CRAMP1: variants seen among roughly 807,000 people sequenced by gnomAD.
CRAMP1 encodes cramped chromatin regulator 1, also known as protein cramped-like.
CRAMP1 carries 50 observed loss-of-function variants against 115.4 expected under a neutral mutation model. The ratio of observed to expected loss-of-function variants is 0.43; its 90% CI spans 0.35 to 0.55. The LOEUF is 0.55. Ranked by LOEUF, CRAMP1 falls within the 20% of genes least tolerant of loss-of-function variation. CRAMP1 has a pLI of 0.01. For missense variants in CRAMP1, 1,679 were observed against 1,721.7 expected (o/e 0.98, Z 0.44); for synonymous variants, 866 against 745.4 (o/e 1.16, Z -2.64).
At chr16:1,655,832 G>C (rs754865101) in intron 9 of CRAMP1, 45 bp from the exon 10 acceptor site, 1 of 1,567,718 alleles carries the variant, frequency 6.4e-7, no homozygotes, top group Admixed American at 1.7e-5. Flanking sequence ...TCAGCATCCC[G>C]ACCTCAGTGC....
chr16:1,659,953 C>A lies in CRAMP1; in HGVS notation c.2303C>A (p.Pro768His). 2 of 1,611,298 alleles carry A rather than the reference C, an allele frequency of 1.2e-6. No individual in the cohort carries two copies. The highest frequency in any genetic ancestry group is 1.1e-5 in the South Asian group (1 of 91,082). The change falls in exon 11 of 21, where the codon CCC (proline) becomes CAC (histidine). Residue 768 changes from proline (P) to histidine (H), a missense_variant. By Grantham distance (77) the Pro-to-His change is moderately conservative (BLOSUM62 -2). Coordinates refer to ENST00000397412, the MANE Select transcript of CRAMP1 (RefSeq NM_020825.4). ...GCCCAGGAGGAGCAGTCGATGACGC[C>A]CCCAGGGAAGGTGGTGACCGTCAGC... The part of the protein sequence containing the change: ...RPAQEEQSMT[P>H]PGKVVTVSSR...
In CRAMP1 at chr16:1,656,695, C is replaced by T. The variant is rs752224490; in HGVS notation, c.1938C>T (p.Pro646=). ...PAEELQEKGS[P]AGPPPSQGQP... ...AGGAGCTCCAGGAGAAGGGGAGCCC[C>T]GCGGGGCCTCCGCCGTCTCAGGGAC... is the stretch of plus-strand genomic sequence containing the variant. Residue 646 remains proline, a synonymous_variant, in exon 10 of 21, where the codon CCC becomes CCT. Coordinates refer to ENST00000397412, the MANE Select transcript of CRAMP1 (RefSeq NM_020825.4). This position sits in a 1 kb window ranked among gnomAD's most constrained non-coding sequence, Gnocchi z 5.6. 1.9e-5 allele frequency: 29 copies of T among 1,560,786 alleles called. No homozygotes were observed. In the Middle Eastern group the frequency reaches 5.0e-4, roughly 27 times the overall value.
At chr16:1,665,247 T>C (rs1263912510) in intron 14 of CRAMP1, 109 bp downstream of exon 14, 2 of 756,904 alleles carry the variant, frequency 2.6e-6, no homozygotes, top group Admixed American at 4.0e-5. Flanking sequence ...CAGGCATTCC[T>C]TTGTCCATTC....
Position 1,675,593 on chromosome 16 carries a change from A to T in CRAMP1, c.*1548A>T, listed in dbSNP as rs2036961029. The T allele has an allele frequency of 6.6e-6, 1 of 152,432 alleles. No homozygotes were observed. Among genetic ancestry groups the T allele is most frequent in the Admixed American group, 6.5e-5 (1 of 15,282 alleles). 9.4% of individuals were successfully genotyped at this position (152,432 alleles called of 1,614,324 possible). ...GCCTTTGGTGTGGACAAGCATGTGG[A>T]CGCCCTCCGTCCTGCAGTCTTGCCA... On this transcript the variant is annotated 3_prime_UTR_variant, in exon 21 of 21. Coordinates refer to ENST00000397412, the MANE Select transcript of CRAMP1 (RefSeq NM_020825.4).
chr16:1,630,931 C>T (rs1254373708), intron 3 of CRAMP1, among the ~76,000 whole-genome samples: 2 of 152,190 alleles, frequency 1.3e-5, no homozygotes, highest in Non-Finnish European at 2.9e-5. Context: ...TTTCTGTCTC[C>T]GTCCTGGTGG....
Position 1,656,938 on chromosome 16 carries a change from G to T in CRAMP1, c.2181G>T (p.Gln727His), listed in dbSNP as rs774178478. 1.9e-6 allele frequency: 3 copies of T among 1,560,718 alleles called. No individual in the cohort carries two copies. Among genetic ancestry groups the T allele is most frequent in the South Asian group, 2.4e-5 (2 of 84,690 alleles). Residue 727 changes from glutamine to histidine, a missense_variant, in exon 10 of 21, where the codon CAG becomes CAT. This residue lies in a region of CRAMP1 where 709 missense variants were observed against 741.9 expected (regional missense o/e 0.96). Transcript: ENST00000397412. This position sits in a 1 kb window ranked among gnomAD's most constrained non-coding sequence, Gnocchi z 5.6. ...PGSLPTALHK[Q>H]RLLSCLLKLI... ...CCCTACCCACCGCCCTCCACAAGCA[G>T]CGCCTCCTCAGCTGCCTCCTGAAGC... is the stretch of plus-strand genomic sequence containing the variant.
At chr16:1,653,211 G>A in intron 8 of CRAMP1, 55 bp downstream of exon 8, 6 of 1,572,502 alleles carry the variant, frequency 3.8e-6, no homozygotes, top group Non-Finnish European at 5.2e-6. Context: ...AGGACTGGAA[G>A]CAACGTGTGT....
chr16:1,612,981 G>A (rs780200537), intron 1 of CRAMP1, among the ~76,000 whole-genome samples: 3 of 152,084 alleles, frequency 2.0e-5, no homozygotes, highest in Non-Finnish European at 4.4e-5. Context: ...GCGCTTCCCC[G>A]TGCTCGGTCG....
intron 2 of CRAMP1, among the ~76,000 whole-genome samples, chr16:1,620,260 G>T (rs184719761): frequency 7.2e-5 from 11 of 152,314 alleles, no homozygotes; most frequent in Admixed American, 5.9e-4. Flanking sequence ...TGCAGTTTCT[G>T]CGCCATCCTT....
In CRAMP1 at chr16:1,614,326, G is replaced by C. The variant is rs1245125712; in HGVS notation, c.-1-313G>C. Among the ~76,000 whole-genome samples the C allele has an allele frequency of 6.9e-6, 1 of 145,808 alleles. No homozygotes were observed. Among genetic ancestry groups the C allele is most frequent in the Non-Finnish European group, 1.5e-5 (1 of 65,528 alleles). ...TCCCATAGACCCCGGGGCCGGGGCC[G>C]GGGCCGGGGCCGGGCAGGGTCCGCC... On this transcript the variant is annotated intron_variant, in intron 1 of 20. Coordinates refer to ENST00000397412, the MANE Select transcript of CRAMP1 (RefSeq NM_020825.4). The surrounding 1 kb of genome is among the most constrained non-coding windows in gnomAD (Gnocchi z 4.4).
intron 10 of CRAMP1, 73 bp from the exon 11 acceptor site, chr16:1,659,813 C>A (rs1156268862): frequency 7.2e-7 from 1 of 1,395,404 alleles, no homozygotes; most frequent in Non-Finnish European, 1.0e-6. Context: ...TCTTGTGCCT[C>A]CTACTCCAGG....
chr16:1,633,298 G>A (rs2036561014), intron 4 of CRAMP1, among the ~76,000 whole-genome samples: 1 of 152,236 alleles, frequency 6.6e-6, no homozygotes, highest in African/African-American at 2.4e-5. Context: ...TCCCCTGTGT[G>A]ACTGGGCAGA....
intron 4 of CRAMP1, among the ~76,000 whole-genome samples, chr16:1,634,385 C>T (rs1165871748): frequency 1.3e-5 from 2 of 152,170 alleles, no homozygotes; most frequent in African/African-American, 4.8e-5. Flanking sequence ...TCACCTTTCC[C>T]TGTTAAACAA....
chr16:1,665,080 G>A lies in CRAMP1; in HGVS notation c.2694G>A (p.Ser898=), dbSNP rs372470681. ...VVQRTLLPRP[S]ENQSHNVCSF... ...AGAGAACACTGCTCCCTAGACCATC[G>A]GAAAACCAGTCCCACAACGTTTGTT... Residue 898 remains serine (S), a synonymous_variant, in exon 14 of 21, where the codon TCG becomes TCA. Coordinates refer to ENST00000397412, the MANE Select transcript of CRAMP1 (RefSeq NM_020825.4). 1.7e-5 allele frequency: 27 copies of A among 1,612,734 alleles called. No homozygotes were observed. Among genetic ancestry groups the A allele is most frequent in the African/African-American group, 1.5e-4 (11 of 74,932 alleles).
intron 19 of CRAMP1, among the ~76,000 whole-genome samples, chr16:1,670,108 T>A (rs114102764): frequency 0.029 from 4,448 of 151,230 alleles, 223 homozygotes; most frequent in African/African-American, 0.1. Context: ...CTACAGAAAA[T>A]TTTAAAACTA....
At position 1,624,861 on chromosome 16, in the gene CRAMP1, C is replaced by T. The variant is rs560632803; in HGVS notation, c.347-1112C>T. 5.3e-5 allele frequency among the ~76,000 whole-genome samples: 8 copies of T among 152,098 alleles called. No homozygotes were observed. The South Asian group carries it at 1.7e-3, about 32-fold the overall frequency. On this transcript the variant is annotated intron_variant, in intron 2 of 20. Coordinates refer to ENST00000397412, the MANE Select transcript of CRAMP1 (RefSeq NM_020825.4). ...CCTCCCACAGTGCTGGGATGACAGG[C>T]GTGAGCCACTGCACCTGGCCACGCC... is the stretch of plus-strand genomic sequence containing the variant.
In CRAMP1 at chr16:1,662,544, G is replaced by C. The variant is rs1195815304; in HGVS notation, c.2468G>C (p.Ser823Thr). The change falls in exon 12 of 21, where the codon AGC becomes ACC. Residue 823 changes from serine (S) to threonine (T), a missense_variant. Physicochemically the swap from Ser to Thr is moderately conservative, Grantham distance 58. Transcript: ENST00000397412. The stretch of plus-strand genomic sequence containing the variant: ...GTGCCTGGTCCCTCCAGCACAGGAA[G>C]CAATGACTCAGATGGAGGCCTTTTT... ...LLVPGPSSTG[S>T]NDSDGGLFAV... 1.9e-6 allele frequency: 3 copies of C among 1,613,874 alleles called. No individual in the cohort carries two copies. The highest frequency in any genetic ancestry group is 3.3e-5 in the Admixed American group (2 of 59,998).
chr16:1,657,110 G>A, intron 10 of CRAMP1, 118 bp downstream of exon 10: 2 of 969,546 alleles, frequency 2.1e-6, no homozygotes, highest in South Asian at 4.0e-5. Flanking sequence ...AGAGAGACAG[G>A]GTCCTGTGGC....
At chr16:1,660,169 C>T in intron 11 of CRAMP1, 106 bp downstream of exon 11, 1 of 950,314 alleles carries the variant, frequency 1.1e-6, no homozygotes, top group Non-Finnish European at 1.5e-6. Flanking sequence ...TGAGGCCGGA[C>T]CCCACTGGCC....
Sources: gnomAD v4.1 joint callset for allele counts (sites outside exome capture counted in the v4.1 genomes callset) on GRCh38, gnomAD v4.1.1 for gene constraint, gnomAD v4.1.1 regional missense constraint, Gnocchi (gnomAD v3.1) non-coding constraint, MANE v1.5 for transcripts, NCBI Gene and HGNC (gene_info 2026-07-23, HGNC 2026-07-21) for gene names.